The following CSMD1 variants were observed in gnomAD, a reference collection of about 807,000 sequenced individuals.
CSMD1 encodes the protein CUB and Sushi multiple domains 1.
A neutral mutation model predicts 417.5 loss-of-function variants in CSMD1; 213 were observed. The ratio of observed to expected loss-of-function variants is 0.51; its 90% confidence interval spans 0.46 to 0.57. CSMD1 has a LOEUF of 0.57. Ranked by LOEUF, CSMD1 falls within the 20% of genes least tolerant of loss-of-function variation. The pLI, the probability that CSMD1 is intolerant of heterozygous loss-of-function variation, is 0.00. For synonymous variants in CSMD1, 2,862 were observed against 1,736.8 expected (o/e 1.65, Z -16.11); for missense variants, 6,923 against 4,529.7 (o/e 1.53, Z -15.17).
At chr8:3,892,087 A>G (rs7818480) in intron 5 of CSMD1, among the ~76,000 whole-genome samples, 86,017 of 152,028 alleles carry the variant, frequency 0.57, 26,827 homozygotes, top group Admixed American at 0.7. Flanking sequence ...TGTGCTTTTC[A>G]AAGTTTCCTA....
intron 10 of CSMD1, among the ~76,000 whole-genome samples, chr8:3,507,256 G>C (rs1312805953): frequency 1.3e-5 from 2 of 152,044 alleles, no homozygotes; most frequent in Admixed American, 6.6e-5. Context: ...GAAGTAAAAA[G>C]GAAAACTTCT....
chr8:3,719,417 T>A (rs901041930), intron 6 of CSMD1, among the ~76,000 whole-genome samples: 1 of 152,178 alleles, frequency 6.6e-6, no homozygotes, highest in Non-Finnish European at 1.5e-5. Flanking sequence ...AAAGTCTAGT[T>A]TCTCATTCTT....
chr8:3,404,031 G>A (rs746015473), intron 15 of CSMD1, among the ~76,000 whole-genome samples: 6 of 152,132 alleles, frequency 3.9e-5, no homozygotes, highest in Non-Finnish European at 7.4e-5. Context: ...TATGAAAAGG[G>A]TGAACATCAG....
intron 8 of CSMD1, among the ~76,000 whole-genome samples, chr8:3,606,186 G>C (rs543496988): frequency 4.6e-5 from 7 of 152,194 alleles, no homozygotes; most frequent in Non-Finnish European, 1.0e-4. Context: ...GGGGAGGACA[G>C]AGATGGGCCA....
At chr8:4,419,259 A>G (rs1054044245) in intron 3 of CSMD1, among the ~76,000 whole-genome samples, 2 of 152,176 alleles carry the variant, frequency 1.3e-5, no homozygotes, top group African/African-American at 2.4e-5. Context: ...GGCAATTTAA[A>G]ATCTCCATCC....
At chr8:4,296,867 A>T (rs917775962) in intron 3 of CSMD1, among the ~76,000 whole-genome samples, 2 of 151,696 alleles carry the variant, frequency 1.3e-5, no homozygotes, top group Admixed American at 6.6e-5. Flanking sequence ...CTTGTCTTAG[A>T]CTCCCAATTT....
chr8:3,824,309 C>A (rs1028584722), intron 5 of CSMD1, among the ~76,000 whole-genome samples: 1 of 151,746 alleles, frequency 6.6e-6, no homozygotes, highest in Non-Finnish European at 1.5e-5. Flanking sequence ...ACGGGCACAA[C>A]AGCCTAGGAA....
chr8:3,611,549 T>C (rs192992848), intron 8 of CSMD1, among the ~76,000 whole-genome samples: 3 of 152,134 alleles, frequency 2.0e-5, no homozygotes, highest in African/African-American at 7.2e-5. Context: ...TTTGAGCCCA[T>C]GACAAAGTTA....
At chr8:4,439,322 G>A (rs1244063885) in intron 2 of CSMD1, among the ~76,000 whole-genome samples, 1 of 151,918 alleles carries the variant, frequency 6.6e-6, no homozygotes, top group Non-Finnish European at 1.5e-5. Context: ...TAATCAATAC[G>A]TTAAATATAA....
chr8:3,219,493 C>T (rs1798079864), intron 28 of CSMD1, 51 bp from the exon 29 acceptor site: 1 of 1,271,862 alleles, frequency 7.9e-7, no homozygotes, highest in Non-Finnish European at 1.0e-6. Context: ...TATTTTATCT[C>T]CCAGAGTGGT....
chr8:4,167,213 G>A (rs1183824895), intron 3 of CSMD1, among the ~76,000 whole-genome samples: 1 of 152,086 alleles, frequency 6.6e-6, no homozygotes, highest in African/African-American at 2.4e-5. Flanking sequence ...TTTTAACTTG[G>A]AAAATCCTGA....
chr8:3,881,184 C>G (rs557352572), intron 5 of CSMD1, among the ~76,000 whole-genome samples: 1 of 151,704 alleles, frequency 6.6e-6, no homozygotes, highest in East Asian at 1.9e-4. Flanking sequence ...TTAAAGATGG[C>G]AATTCTCTAC....
At chr8:3,509,472 G>A (rs762837396) in intron 10 of CSMD1, among the ~76,000 whole-genome samples, 13 of 152,152 alleles carry the variant, frequency 8.5e-5, no homozygotes, top group Non-Finnish European at 1.8e-4. Context: ...TGCACAAGTC[G>A]TTGAACTATT....
At chr8:3,293,276 A>C (rs140164896) in intron 25 of CSMD1, among the ~76,000 whole-genome samples, 6,006 of 151,796 alleles carry the variant, frequency 0.04, 403 homozygotes, top group African/African-American at 0.14. Context: ...CTTCATTTCA[A>C]CTTTGGTGAA....
chr8:3,866,897 G>C (rs1329157746), intron 5 of CSMD1, among the ~76,000 whole-genome samples: 6 of 152,136 alleles, frequency 3.9e-5, no homozygotes, highest in Non-Finnish European at 5.9e-5. Flanking sequence ...GCAAGACATG[G>C]TGATGTTTTC....
chr8:3,188,912 A>C lies in CSMD1; in HGVS notation c.5498T>G (p.Ile1833Arg). The C allele has an allele frequency of 5.6e-6, 9 of 1,596,714 alleles. No individual in the cohort carries two copies. The highest frequency in any genetic ancestry group is 7.7e-6 in the Non-Finnish European group (9 of 1,171,176). The change falls in exon 35 of 70, where the codon ATA becomes AGA. Residue 1833 changes from isoleucine (I) to arginine (R), a missense_variant. Coordinates refer to ENST00000635120, the MANE Select transcript of CSMD1 (RefSeq NM_033225.6). The stretch of plus-strand genomic sequence containing the variant: ...CTGAATTCCCGAGCCCTCCGTAACT[A>C]TGATCTTCCATATACAGTTCAAGTT... ...GNNLNCIWKI[I>R]VTEGSGIQIQ...
intron 1 of CSMD1, among the ~76,000 whole-genome samples, chr8:4,778,043 A>C (rs1303303563): frequency 1.3e-5 from 2 of 152,210 alleles, no homozygotes; most frequent in Non-Finnish European, 2.9e-5. Flanking sequence ...TGGAGAGTTA[A>C]AATTCAGACA....
chr8:4,761,890 CCTACCTATCTATCTATCTATCAATCTAT>C lies in CSMD1; in HGVS notation c.86-124360_86-124333del, dbSNP rs1205987119. On this transcript the variant is annotated intron_variant, in intron 1 of 69. Coordinates refer to ENST00000635120, the MANE Select transcript of CSMD1 (RefSeq NM_033225.6). ...ATCTATCTATCTATCTATCTATCTA[CCTACCTATCTATCTATCTATCAATCTAT>C]CTATCTATCTATCTATCTATCTATC... 8.3e-3 allele frequency among the ~76,000 whole-genome samples: 776 copies of C among 93,580 alleles called. 2 individuals are homozygous for C. Among genetic ancestry groups the C allele is most frequent in the African/African-American group, 0.016 (417 of 25,996 alleles). 61.4% of individuals were successfully genotyped at this position (93,580 alleles called of 152,430 possible). A position where few individuals can be genotyped will look rare whatever the true frequency, so the allele number is the denominator to read the frequency against.
chr8:3,931,442 G>C, intron 5 of CSMD1, among the ~76,000 whole-genome samples: 1 of 150,072 alleles, frequency 6.7e-6, no homozygotes, highest in Admixed American at 6.6e-5. Context: ...TTCAATCCAT[G>C]GCTTTTAAAC....
Sources: allele counts gnomAD v4.1 joint callset (sites outside exome capture counted in the v4.1 genomes callset), GRCh38; gene constraint gnomAD v4.1.1; transcripts MANE v1.5; gene names NCBI Gene and HGNC (gene_info 2026-07-23, HGNC 2026-07-21).